The following MYO16 variants were observed in gnomAD, a reference collection of about 807,000 sequenced individuals.
The protein encoded by MYO16 is unconventional myosin-XVI.
In MYO16, 94 loss-of-function variants were observed where a neutral mutation model predicts 205.3. That is an observed-to-expected ratio of 0.46 (90% CI 0.39 to 0.54). The LOEUF is 0.54. Among genes scored for constraint, MYO16 ranks in the 20% least tolerant of loss-of-function variants. The pLI, the probability that MYO16 is intolerant of heterozygous loss-of-function variation, is 0.00. For missense variants in MYO16, 2,315 were observed against 2,387.5 expected, an observed-to-expected ratio of 0.97 and a Z score of 0.63; for synonymous variants, 988 against 954.0, an observed-to-expected ratio of 1.04 and a Z score of -0.66.
At chr13:108,886,634 C>A (rs1287986376) in intron 13 of MYO16, among the ~76,000 whole-genome samples, 1 of 152,152 alleles carries the variant, frequency 6.6e-6, no homozygotes, top group African/African-American at 2.4e-5. Context: ...CGAGCTGCTC[C>A]ATATTGATTG....
intron 2 of MYO16, among the ~76,000 whole-genome samples, chr13:108,711,086 G>A (rs7331340): frequency 0.3 from 45,533 of 151,990 alleles, 6,938 homozygotes; most frequent in Middle Eastern, 0.43. Context: ...AGAGAGAAAG[G>A]GAGGCAGAGA....
At chr13:109,002,827 T>G (rs1210857293) in intron 21 of MYO16, among the ~76,000 whole-genome samples, 1 of 152,154 alleles carries the variant, frequency 6.6e-6, no homozygotes, top group African/African-American at 2.4e-5. Flanking sequence ...ACATACAGAG[T>G]TTAGTGAAAA....
chr13:108,577,167 A>G, the MYO16 span, among the ~76,000 whole-genome samples: 150,475 of 152,336 alleles, frequency 0.99, 74,342 homozygotes, highest in East Asian at 1. Context: ...TTAATGCAAT[A>G]TGACATTTCA....
At chr13:108,925,691 C>T (rs1881968404) in intron 16 of MYO16, among the ~76,000 whole-genome samples, 1 of 152,130 alleles carries the variant, frequency 6.6e-6, no homozygotes, top group Non-Finnish European at 1.5e-5. Flanking sequence ...CTGGCTCTGC[C>T]TCCTGAACAT....
intron 29 of MYO16, 63 bp downstream of exon 29, chr13:109,120,529 G>A: frequency 1.6e-6 from 2 of 1,263,222 alleles, no homozygotes; most frequent in South Asian, 1.3e-5. Context: ...ATCTTTTAGT[G>A]CATCCCCAAG....
At chr13:108,498,640 G>A in the MYO16 span, among the ~76,000 whole-genome samples, 1 of 152,136 alleles carries the variant, frequency 6.6e-6, no homozygotes, top group South Asian at 2.1e-4. Flanking sequence ...AGATTAAAAT[G>A]CATACAATTT....
chr13:108,621,156 G>A (rs747293974), intron 1 of MYO16, among the ~76,000 whole-genome samples: 6 of 152,066 alleles, frequency 3.9e-5, no homozygotes, highest in East Asian at 1.9e-4. Flanking sequence ...CTCAAGCTTC[G>A]GGTGCCTGCT....
chr13:109,067,362 GT>G (rs894371248), intron 27 of MYO16, among the ~76,000 whole-genome samples: 3 of 152,118 alleles, frequency 2.0e-5, no homozygotes, highest in African/African-American at 7.2e-5. Context: ...CATAGCACTC[GT>G]GTAAAGTTGA....
At chr13:108,993,131 A>G (rs1010144095) in intron 21 of MYO16, among the ~76,000 whole-genome samples, 6 of 152,160 alleles carry the variant, frequency 3.9e-5, no homozygotes, top group African/African-American at 1.4e-4. Context: ...ATAGTACGGG[A>G]AGAATTACAA....
intron 13 of MYO16, among the ~76,000 whole-genome samples, chr13:108,887,093 G>A (rs1879937017): frequency 6.6e-6 from 1 of 152,180 alleles, no homozygotes; most frequent in South Asian, 2.1e-4. Flanking sequence ...CTTACAAAGG[G>A]TAATTTAAGA....
In MYO16 at chr13:108,823,196, G is replaced by C. The variant is rs765565918; in HGVS notation, c.1015G>C (p.Glu339Gln). Residue 339 changes from glutamate (E) to glutamine (Q), a missense_variant, in exon 9 of 35, where the codon GAG becomes CAG. This residue lies in a region of MYO16 where 1,213 missense variants were observed against 1,274.4 expected (regional missense o/e 0.95). Coordinates refer to ENST00000457511, the MANE Select transcript of MYO16 (RefSeq NM_001198950.3). Reference sequence around the variant, plus strand: ...AATTGCCTGGGAAGAAAAAATGAAAGAGCCTTTATCTGCTTCTACCTTAGC... The same window carrying C: ...AATTGCCTGGGAAGAAAAAATGAAACAGCCTTTATCTGCTTCTACCTTAGC... ...AEIAWEEKMK[E>Q]PLSASTLAQE... is the part of the protein sequence containing the mutation. 6 of 1,613,142 alleles carry C rather than the reference G, an allele frequency of 3.7e-6. No homozygotes were observed. The East Asian group carries it at 6.7e-5, about 18-fold the overall frequency.
chr13:108,657,701 C>T (rs962370700), intron 1 of MYO16, among the ~76,000 whole-genome samples: 3 of 152,076 alleles, frequency 2.0e-5, no homozygotes, highest in Admixed American at 6.5e-5. Flanking sequence ...AGCAAAGTTC[C>T]GGACTATCAC....
At chr13:108,851,600 T>C (rs896168704) in intron 10 of MYO16, among the ~76,000 whole-genome samples, 1 of 152,172 alleles carries the variant, frequency 6.6e-6, no homozygotes, top group Non-Finnish European at 1.5e-5. Context: ...TTCAATCTTG[T>C]CTAAATCAAT....
At chr13:109,092,827 T>A (rs747240123) in intron 27 of MYO16, among the ~76,000 whole-genome samples, 1 of 152,246 alleles carries the variant, frequency 6.6e-6, no homozygotes, top group African/African-American at 2.4e-5. Context: ...TTCTGCTTTA[T>A]ACTGGAAGGA....
chr13:108,937,213 C>G (rs755345259), intron 16 of MYO16, among the ~76,000 whole-genome samples: 47 of 152,174 alleles, frequency 3.1e-4, no homozygotes, highest in Non-Finnish European at 5.9e-4. Context: ...GCTGAGAAGT[C>G]TGCCATTAGC....
intron 32 of MYO16, among the ~76,000 whole-genome samples, chr13:109,159,667 G>A (rs1157369196): frequency 6.6e-6 from 1 of 152,226 alleles, no homozygotes; most frequent in East Asian, 1.9e-4. Context: ...GAAAACTAAA[G>A]CAAGGAGTGG....
chr13:108,641,083 T>C (rs1437017764), intron 1 of MYO16, among the ~76,000 whole-genome samples: 1 of 152,234 alleles, frequency 6.6e-6, no homozygotes, highest in Non-Finnish European at 1.5e-5. Flanking sequence ...AAGAGGTCAC[T>C]GTTGAAATTT....
chr13:108,731,052 A>G (rs1884505124), intron 4 of MYO16, among the ~76,000 whole-genome samples: 1 of 152,092 alleles, frequency 6.6e-6, no homozygotes, highest in Non-Finnish European at 1.5e-5. Context: ...CATGGCAACA[A>G]CTCAATCACA....
chr13:108,638,616 C>A (rs1880363662), intron 1 of MYO16, among the ~76,000 whole-genome samples: 1 of 152,130 alleles, frequency 6.6e-6, no homozygotes, highest in African/African-American at 2.4e-5. Context: ...GTAACACTGA[C>A]TTGTTTCTGC....
Sources: allele counts gnomAD v4.1 joint callset (sites outside exome capture counted in the v4.1 genomes callset), GRCh38; gene constraint gnomAD v4.1.1; regional missense constraint gnomAD v4.1.1; transcripts MANE v1.5; gene names NCBI Gene and HGNC (gene_info 2026-07-23, HGNC 2026-07-21).